The following PTPRD variants were observed in gnomAD, a reference collection of about 807,000 sequenced individuals.
The protein encoded by PTPRD is receptor-type tyrosine-protein phosphatase delta.
PTPRD carries 34 observed loss-of-function variants against 214.5 expected under a neutral mutation model. The ratio of observed to expected loss-of-function variants is 0.16; its 90% CI spans 0.12 to 0.21. The LOEUF is 0.21. Ranked by LOEUF, PTPRD falls within the 10% of genes least tolerant of loss-of-function variation. PTPRD has a pLI of 1.00. For missense variants in PTPRD, 2,545 were observed against 2,398.7 expected, an observed-to-expected ratio of 1.06 and a Z score of -1.27; for synonymous variants, 1,128 against 845.7, an observed-to-expected ratio of 1.33 and a Z score of -5.79.
intron 4 of PTPRD, among the ~76,000 whole-genome samples, chr9:9,965,096 A>T (rs2094593371): frequency 6.6e-6 from 1 of 152,306 alleles, no homozygotes; most frequent in East Asian, 1.9e-4. Context: ...ACAAACACAC[A>T]CAACGACACA....
chr9:9,128,769 G>A (rs914868045), intron 10 of PTPRD, among the ~76,000 whole-genome samples: 1 of 152,206 alleles, frequency 6.6e-6, no homozygotes, highest in African/African-American at 2.4e-5. Flanking sequence ...AATTGTAGTT[G>A]CAGCTGTGTT....
Position 9,479,652 on chromosome 9 carries a change from T to G in PTPRD, c.-236-82170A>C, listed in dbSNP as rs180959716. The stretch of plus-strand genomic sequence containing the variant: ...CCATTCTTCCAAATAACAGAAATTA[T>G]TTGATTGATAATAAATGATGGCAAT... On this transcript the variant is annotated intron_variant, in intron 8 of 45. Coordinates refer to ENST00000381196, the MANE Select transcript of PTPRD (RefSeq NM_002839.4). 8.5e-5 allele frequency among the ~76,000 whole-genome samples: 13 copies of G among 152,270 alleles called. No homozygotes were observed. In the East Asian group the frequency reaches 1.9e-3, roughly 23 times the overall value.
intron 5 of PTPRD, among the ~76,000 whole-genome samples, chr9:9,872,556 C>T (rs1262108688): frequency 6.6e-6 from 1 of 152,068 alleles, no homozygotes; most frequent in Non-Finnish European, 1.5e-5. Flanking sequence ...AGTCACTGTA[C>T]TCCAGCCTGG....
At chr9:9,806,935 A>G (rs953206782) in intron 5 of PTPRD, among the ~76,000 whole-genome samples, 1 of 152,140 alleles carries the variant, frequency 6.6e-6, no homozygotes, top group African/African-American at 2.4e-5. Context: ...GCCACTGAGT[A>G]TGTGAACAGC....
At chr9:8,711,412 G>C (rs1361653810) in intron 12 of PTPRD, among the ~76,000 whole-genome samples, 1 of 152,002 alleles carries the variant, frequency 6.6e-6, no homozygotes. Context: ...AAAAGGCCTT[G>C]ATTTAATTAG....
intron 12 of PTPRD, among the ~76,000 whole-genome samples, chr9:8,675,893 C>T (rs959877993): frequency 3.9e-5 from 6 of 152,154 alleles, no homozygotes; most frequent in Non-Finnish European, 7.3e-5. Flanking sequence ...TTCTAAAGAA[C>T]ATATCCCATC....
chr9:8,625,047 C>T (rs756409979), intron 14 of PTPRD, among the ~76,000 whole-genome samples: 1 of 151,648 alleles, frequency 6.6e-6, no homozygotes, highest in Admixed American at 6.6e-5. Flanking sequence ...CCAATAAATG[C>T]CAGGAACATT....
intron 12 of PTPRD, among the ~76,000 whole-genome samples, chr9:8,695,320 C>A (rs1329414412): frequency 6.6e-6 from 1 of 152,158 alleles, no homozygotes; most frequent in East Asian, 1.9e-4. Context: ...AAGTGCATCA[C>A]TTAGCAGGAA....
intron 5 of PTPRD, among the ~76,000 whole-genome samples, chr9:9,933,086 A>G (rs1334843036): frequency 2.0e-5 from 3 of 152,078 alleles, no homozygotes; most frequent in Admixed American, 6.5e-5. Context: ...AGCGCTAAAC[A>G]TGGAAAGGAA....
At chr9:9,681,171 T>A (rs1244008428) in intron 7 of PTPRD, among the ~76,000 whole-genome samples, 2 of 151,842 alleles carry the variant, frequency 1.3e-5, no homozygotes, top group African/African-American at 2.4e-5. Flanking sequence ...TACCTTCTTA[T>A]AAATAATGTA....
chr9:10,435,055 T>G (rs1257360755), intron 2 of PTPRD, among the ~76,000 whole-genome samples: 3 of 151,894 alleles, frequency 2.0e-5, no homozygotes, highest in African/African-American at 7.2e-5. Context: ...TATTTGAATC[T>G]CAAGTAAGAA....
chr9:9,476,178 C>A (rs1470634153), intron 8 of PTPRD, among the ~76,000 whole-genome samples: 1 of 152,090 alleles, frequency 6.6e-6, no homozygotes, highest in Non-Finnish European at 1.5e-5. Flanking sequence ...GAACAGAATC[C>A]CTCAGTTCAG....
At chr9:10,542,414 T>C (rs1054905190) in intron 2 of PTPRD, among the ~76,000 whole-genome samples, 1 of 152,188 alleles carries the variant, frequency 6.6e-6, no homozygotes, top group Admixed American at 6.5e-5. Flanking sequence ...AATCAGGTAC[T>C]CTATATTAGA....
chr9:9,835,124 T>A (rs2056360872), intron 5 of PTPRD, among the ~76,000 whole-genome samples: 1 of 152,068 alleles, frequency 6.6e-6, no homozygotes, highest in Non-Finnish European at 1.5e-5. Flanking sequence ...GCAGCAAGGA[T>A]TATATCCTAG....
intron 3 of PTPRD, among the ~76,000 whole-genome samples, chr9:10,094,141 G>T (rs1376716733): frequency 6.6e-6 from 1 of 151,440 alleles, no homozygotes; most frequent in Non-Finnish European, 1.5e-5. Context: ...TTCCAGAATT[G>T]TAGGATTAGC....
chr9:10,293,596 G>C (rs555462796), intron 3 of PTPRD, among the ~76,000 whole-genome samples: 1 of 152,042 alleles, frequency 6.6e-6, no homozygotes, highest in South Asian at 2.1e-4. Context: ...CTAACAGTAA[G>C]ATAAAAGGAA....
intron 7 of PTPRD, among the ~76,000 whole-genome samples, chr9:9,667,476 T>C (rs76857354): frequency 0.011 from 1,700 of 152,264 alleles, 20 homozygotes; most frequent in Non-Finnish European, 0.015. Context: ...TTATGTTCAT[T>C]CATTTTACAA....
chr9:9,100,525 G>GGTAT (rs1251288100), intron 10 of PTPRD, among the ~76,000 whole-genome samples: 2 of 152,000 alleles, frequency 1.3e-5, no homozygotes, highest in African/African-American at 4.8e-5. Flanking sequence ...CAATTCTGTT[G>GGTAT]GTATGATCAG....
At chr9:9,040,397 G>A (rs1590299286) in intron 10 of PTPRD, among the ~76,000 whole-genome samples, 1 of 152,252 alleles carries the variant, frequency 6.6e-6, no homozygotes, top group East Asian at 1.9e-4. Flanking sequence ...TTGTTCTTTA[G>A]TAAACATGAA....
Sources: gnomAD v4.1 joint callset for allele counts (sites outside exome capture counted in the v4.1 genomes callset) on GRCh38, gnomAD v4.1.1 for gene constraint, MANE v1.5 for transcripts, NCBI Gene and HGNC (gene_info 2026-07-23, HGNC 2026-07-21) for gene names.